Variants in NAALADL2 observed in about 807,000 individuals in gnomAD.
NAALADL2 encodes the protein N-acetylated alpha-linked acidic dipeptidase like 2.
NAALADL2 carries 76 observed loss-of-function variants against 87.2 expected under a neutral mutation model. That is an observed-to-expected ratio of 0.87 (90% confidence interval 0.72 to 1.05). NAALADL2 has a LOEUF of 1.05. Ranked by LOEUF, NAALADL2 falls within the 50% of genes least tolerant of loss-of-function variation. NAALADL2 has a pLI of 0.00. For synonymous variants in NAALADL2, 354 were observed against 331.0 expected, an observed-to-expected ratio of 1.07 and a Z score of -0.75; for missense variants, 1,089 against 945.8, an observed-to-expected ratio of 1.15 and a Z score of -1.99.
At chr3:174,844,456 T>C (rs1360905911) in intron 3 of NAALADL2, among the ~76,000 whole-genome samples, 1 of 152,194 alleles carries the variant, frequency 6.6e-6, no homozygotes, top group Non-Finnish European at 1.5e-5. Flanking sequence ...TCTTTTTCTG[T>C]TTAGCATTGC....
intron 9 of NAALADL2, among the ~76,000 whole-genome samples, chr3:175,485,728 T>C (rs1727164957): frequency 6.6e-6 from 1 of 152,174 alleles, no homozygotes; most frequent in Non-Finnish European, 1.5e-5. Flanking sequence ...CCCATCCAGA[T>C]TAAGGCTGGG....
chr3:175,700,243 T>C (rs147595690), intron 11 of NAALADL2, among the ~76,000 whole-genome samples: 7 of 152,232 alleles, frequency 4.6e-5, no homozygotes, highest in Admixed American at 2.0e-4. Flanking sequence ...TGCTATGTTT[T>C]CCCCCAGCTT....
rs377593569 is a variant in NAALADL2, at chr3:174,859,412, G to A, written c.5G>A (p.Gly2Glu). M[G>E]ENEASLPNTS... ...TCTTTAAAAAGAAATAATAAAATGG[G>A]AGAGAATGAAGCAAGTTTACCTAAC... The change falls in exon 1 of 14, where the codon GGA becomes GAA. Residue 2 changes from glycine to glutamate, a missense_variant. Gly to Glu is a moderately conservative substitution (Grantham distance 98). Coordinates refer to ENST00000454872, the MANE Select transcript of NAALADL2 (RefSeq NM_207015.3). The A allele has an allele frequency of 3.1e-6, 5 of 1,609,320 alleles. No homozygotes were observed. Among genetic ancestry groups the A allele is most frequent in the African/African-American group, 2.7e-5 (2 of 74,956 alleles).
intron 9 of NAALADL2, among the ~76,000 whole-genome samples, chr3:175,539,250 CTTTT>C (rs1167078087): frequency 1.3e-5 from 2 of 152,112 alleles, no homozygotes; most frequent in Non-Finnish European, 2.9e-5. Context: ...AGAAAAAATA[CTTTT>C]GATCAAGCAA....
intron 3 of NAALADL2, among the ~76,000 whole-genome samples, chr3:174,765,123 TAC>T (rs10543370): frequency 1.0e-3 from 121 of 119,008 alleles, no homozygotes; most frequent in East Asian, 2.7e-3. Flanking sequence ...TACACACACA[TAC>T]ACACACACAC....
intron 13 of NAALADL2, among the ~76,000 whole-genome samples, chr3:175,800,223 G>A (rs546136476): frequency 1.1e-3 from 173 of 152,054 alleles, no homozygotes; most frequent in African/African-American, 4.1e-3. Context: ...TCTTTTACGT[G>A]CTCCTTGGGC....
chr3:174,827,664 G>A (rs140215690), intron 3 of NAALADL2, among the ~76,000 whole-genome samples: 246 of 152,226 alleles, frequency 1.6e-3, no homozygotes, highest in African/African-American at 5.8e-3. Flanking sequence ...AAGCAAACAG[G>A]TTCAATGTAT....
At position 174,844,533 on chromosome 3, in the gene NAALADL2, T is replaced by C. The variant is rs1166107266; in HGVS notation, c.-9+106787T>C. On this transcript the variant is annotated intron_variant, in intron 3 of 3. Coordinates refer to the NAALADL2 transcript ENST00000434257. ...GATTTATTTTTCTATTTCTGTGAAA[T>C]GTCATTGGTATTTTGATAGGAATTG... Among the ~76,000 whole-genome samples, 4 of 152,302 alleles carry C rather than the reference T, an allele frequency of 2.6e-5. No individual in the cohort carries two copies. The East Asian group carries it at 7.7e-4, about 29-fold the overall frequency.
intron 3 of NAALADL2, among the ~76,000 whole-genome samples, chr3:174,842,302 C>G (rs141960471): frequency 6.6e-6 from 1 of 152,012 alleles, no homozygotes; most frequent in African/African-American, 2.4e-5. Context: ...CCACTCACCT[C>G]GGCCTCCCAA....
chr3:174,513,565 G>C (rs1024114271), intron 1 of NAALADL2: 3 of 152,130 alleles, frequency 2.0e-5, no homozygotes, highest in African/African-American at 7.2e-5. Flanking sequence ...CCTTTGCAGA[G>C]GTAAGGTAAA....
intron 1 of NAALADL2, among the ~76,000 whole-genome samples, chr3:174,446,259 C>G (rs796839715): frequency 6.2e-4 from 95 of 152,182 alleles, no homozygotes; most frequent in African/African-American, 2.2e-3. Context: ...GATGGTCAGT[C>G]ATGAAAAACT....
At chr3:175,347,281 C>T (rs1284501331) in intron 5 of NAALADL2, among the ~76,000 whole-genome samples, 1 of 152,100 alleles carries the variant, frequency 6.6e-6, no homozygotes, top group Non-Finnish European at 1.5e-5. Context: ...ATTGGCTAGC[C>T]CAGGATCCAG....
chr3:175,649,830 G>T (rs951374420), intron 11 of NAALADL2, among the ~76,000 whole-genome samples: 5 of 152,064 alleles, frequency 3.3e-5, no homozygotes, highest in African/African-American at 1.2e-4. Flanking sequence ...ATCCATAACA[G>T]TGTGCTTGGT....
intron 1 of NAALADL2, among the ~76,000 whole-genome samples, chr3:174,473,396 A>T (rs569552227): frequency 3.3e-5 from 5 of 152,180 alleles, no homozygotes; most frequent in Non-Finnish European, 7.3e-5. Context: ...AGCCACCATC[A>T]CATTTTCATC....
intron 1 of NAALADL2, among the ~76,000 whole-genome samples, chr3:174,885,128 GTCCTCACACATA>G (rs1328885002): frequency 2.6e-5 from 4 of 152,036 alleles, no homozygotes; most frequent in African/African-American, 9.7e-5. Flanking sequence ...TGTCATTAGG[GTCCTCACACATA>G]TCCCAATTGC....
At chr3:174,828,389 T>C (rs780199207) in intron 3 of NAALADL2, among the ~76,000 whole-genome samples, 1 of 152,212 alleles carries the variant, frequency 6.6e-6, no homozygotes, top group Non-Finnish European at 1.5e-5. Flanking sequence ...TTCTTATAAA[T>C]TTAATTGCTT....
intron 2 of NAALADL2, among the ~76,000 whole-genome samples, chr3:175,113,879 T>C (rs1363089911): frequency 1.3e-5 from 2 of 151,632 alleles, no homozygotes; most frequent in East Asian, 3.9e-4. Context: ...TCTCTGTTTT[T>C]CAAGGCTGTT....
intron 3 of NAALADL2, among the ~76,000 whole-genome samples, chr3:174,835,643 C>T (rs1723245401): frequency 6.6e-6 from 1 of 151,996 alleles, no homozygotes. Flanking sequence ...AACAACTTCT[C>T]CAACTCAAAA....
intron 2 of NAALADL2, among the ~76,000 whole-genome samples, chr3:175,219,352 C>G (rs959961380): frequency 7.2e-5 from 11 of 152,032 alleles, no homozygotes; most frequent in African/African-American, 2.4e-4. Flanking sequence ...TTCTGGGAGA[C>G]CACCTTAAAT....
Sources: allele counts gnomAD v4.1 joint callset (sites outside exome capture counted in the v4.1 genomes callset), GRCh38; gene constraint gnomAD v4.1.1; transcripts MANE v1.5; gene names NCBI Gene and HGNC (gene_info 2026-07-23, HGNC 2026-07-21).